The following CD38 variants were observed in gnomAD, a reference collection of about 807,000 sequenced individuals.
The protein encoded by CD38 is ADP-ribosyl cyclase/cyclic ADP-ribose hydrolase 1.
In CD38, 31 loss-of-function variants were observed where a neutral mutation model predicts 36.3. That is an observed-to-expected ratio of 0.85 (90% confidence interval 0.64 to 1.15). The LOEUF (loss-of-function observed/expected upper bound fraction) is 1.15. CD38 is among the 50% of genes most tolerant of loss of function. CD38 has a pLI of 0.00. For synonymous variants in CD38, 131 were observed against 135.2 expected (o/e 0.97, Z 0.22); for missense variants, 380 against 371.9 (o/e 1.02, Z -0.18).
chr4:15,801,132 G>A (rs144191143), intron 1 of CD38, among the ~76,000 whole-genome samples: 5 of 151,884 alleles, frequency 3.3e-5, no homozygotes, highest in South Asian at 4.1e-4. Context: ...ATAAAGGATC[G>A]TAAGAGACTA....
chr4:15,799,794 G>T (rs565873127), intron 1 of CD38, among the ~76,000 whole-genome samples: 1 of 152,268 alleles, frequency 6.6e-6, no homozygotes, highest in East Asian at 1.9e-4. Flanking sequence ...TTAGCCTCAT[G>T]CATCTCAGGG....
chr4:15,819,413 C>T (rs1723684271), intron 2 of CD38, among the ~76,000 whole-genome samples: 1 of 150,172 alleles, frequency 6.7e-6, no homozygotes, highest in Non-Finnish European at 1.5e-5. Context: ...GATGAATTGA[C>T]AGAAGTAGGC....
intron 1 of CD38, among the ~76,000 whole-genome samples, chr4:15,780,298 A>G (rs28494757): frequency 0.094 from 14,302 of 152,126 alleles, 1,024 homozygotes; most frequent in East Asian, 0.19. Context: ...CTTTCCCACA[A>G]TCTCTTGAAT....
chr4:15,785,677 A>T (rs573498174), intron 1 of CD38, among the ~76,000 whole-genome samples: 1 of 152,334 alleles, frequency 6.6e-6, no homozygotes, highest in South Asian at 2.1e-4. Flanking sequence ...CAATGTTTAC[A>T]GGTTGCCTGC....
intron 1 of CD38, among the ~76,000 whole-genome samples, chr4:15,791,302 G>T (rs1391283012): frequency 1.5e-5 from 1 of 68,270 alleles, no homozygotes; most frequent in Non-Finnish European, 2.6e-5. Flanking sequence ...GAGGGGGGAG[G>T]GGGGGTCAGC....
chr4:15,840,579 C>A (rs749930934), intron 7 of CD38, 41 bp downstream of exon 7: 2 of 1,184,870 alleles, frequency 1.7e-6, no homozygotes, highest in Non-Finnish European at 2.5e-6. Context: ...ACTGTCTTGT[C>A]ACCTGTAGAA....
At position 15,816,553 on chromosome 4, in the gene CD38, A is replaced by G; in HGVS notation, c.276A>G (p.Ala92=). 1 of 1,613,586 alleles carries G rather than the reference A, an allele frequency of 6.2e-7. No individual in the cohort carries two copies. The highest frequency in any genetic ancestry group is 8.5e-7 in the Non-Finnish European group (1 of 1,179,502). ...GTGTATGGGATGCTTTCAAGGGTGC[A>G]TTTATTTCAAAACATCCTTGCAACA... The part of the protein sequence containing the change: ...CQSVWDAFKG[A]FISKHPCNIT... Residue 92 remains alanine, a synonymous_variant, in exon 2 of 8, where the codon GCA becomes GCG. Transcript: ENST00000226279.
intron 1 of CD38, among the ~76,000 whole-genome samples, chr4:15,779,353 A>G (rs1328457085): frequency 6.6e-6 from 1 of 152,156 alleles, no homozygotes; most frequent in Non-Finnish European, 1.5e-5. Context: ...GAAAAAAAAC[A>G]CATTAGTCTA....
At chr4:15,792,458 G>GAA (rs1249314137) in intron 1 of CD38, among the ~76,000 whole-genome samples, 52 of 129,226 alleles carry the variant, frequency 4.0e-4, no homozygotes, top group Middle Eastern at 4.2e-3. Context: ...AATGAATCAA[G>GAA]AAAAAAAAAG....
intron 3 of CD38, among the ~76,000 whole-genome samples, chr4:15,826,750 TAAAAAAAGAA>T (rs1723859771): frequency 6.9e-6 from 1 of 144,508 alleles, no homozygotes; most frequent in South Asian, 2.2e-4. Flanking sequence ...TATTTTACAC[TAAAAAAAGAA>T]AAAAAAAGAA....
intron 1 of CD38, among the ~76,000 whole-genome samples, chr4:15,789,712 G>A (rs1411811558): frequency 6.6e-6 from 1 of 151,996 alleles, no homozygotes; most frequent in South Asian, 2.1e-4. Flanking sequence ...GGATCAATGG[G>A]TTATCCTTGG....
At chr4:15,826,577 T>C (rs183071473) in intron 3 of CD38, among the ~76,000 whole-genome samples, 7 of 152,030 alleles carry the variant, frequency 4.6e-5, no homozygotes, top group Admixed American at 4.6e-4. Context: ...TGGTAACATG[T>C]CATTTAAAAG....
chr4:15,819,542 A>G (rs1019968739), intron 2 of CD38, among the ~76,000 whole-genome samples: 1 of 152,186 alleles, frequency 6.6e-6, no homozygotes, highest in East Asian at 1.9e-4. Context: ...ACTGGTTTAG[A>G]GAGGAACATA....
chr4:15,827,336 ATGCAGAAAACCTGTC>A (rs779638052), intron 3 of CD38, among the ~76,000 whole-genome samples: 115 of 152,270 alleles, frequency 7.6e-4, no homozygotes, highest in African/African-American at 2.7e-3. Flanking sequence ...CCACCCAGAA[ATGCAGAAAACCTGTC>A]TGTTCTCTTC....
chr4:15,819,230 G>A (rs758456707), intron 2 of CD38, among the ~76,000 whole-genome samples: 12 of 152,148 alleles, frequency 7.9e-5, no homozygotes, highest in East Asian at 5.8e-4. Context: ...AATACCTAAC[G>A]TAGGTGACGG....
At chr4:15,781,275 G>A (rs574115805) in intron 1 of CD38, among the ~76,000 whole-genome samples, 10 of 152,236 alleles carry the variant, frequency 6.6e-5, no homozygotes, top group African/African-American at 2.4e-4. Context: ...TCTTCTAGTT[G>A]CTAACAATTT....
rs3216860 is a variant in CD38 at position 15,778,862 on chromosome 4, C to CGG, written c.233+223_233+224dup. ...TGGCACCGAGCGTGCCCGCGGGAGG[C>CGG]GGGGGGGGGCGCTGCTCGGTGGCTC... is the stretch of plus-strand genomic sequence containing the variant. On this transcript the variant is annotated intron_variant, in intron 1 of 7. Coordinates refer to ENST00000226279, the MANE Select transcript of CD38 (RefSeq NM_001775.4). The surrounding 1 kb of genome is among the most constrained non-coding windows in gnomAD (Gnocchi z 4.9). Among the ~76,000 whole-genome samples the CGG allele has an allele frequency of 0.027, 3,903 of 146,536 alleles. 78 individuals are homozygous for CGG. The highest frequency in any genetic ancestry group is 0.051 in the South Asian group (229 of 4,522).
At position 15,788,282 on chromosome 4, in the gene CD38, A is replaced by G. The variant is rs189530762; in HGVS notation, c.233+9635A>G. Among the ~76,000 whole-genome samples the G allele has an allele frequency of 1.0e-3, 156 of 152,244 alleles. No individual in the cohort carries two copies. The South Asian group carries it at 0.019, about 18-fold the overall frequency. On this transcript the variant is annotated intron_variant, in intron 1 of 7. Coordinates refer to ENST00000226279, the MANE Select transcript of CD38 (RefSeq NM_001775.4). Reference sequence around the variant, plus strand: ...CTCAGAATCTTCCACCCAGTGCACCATGGAGATGCTACCAATTGGTTGGAG... The same window carrying G: ...CTCAGAATCTTCCACCCAGTGCACCGTGGAGATGCTACCAATTGGTTGGAG...
chr4:15,787,370 C>T (rs1722861301), intron 1 of CD38, among the ~76,000 whole-genome samples: 1 of 152,224 alleles, frequency 6.6e-6, no homozygotes, highest in African/African-American at 2.4e-5. Context: ...AAATGTGGGG[C>T]TCATTTTTCA....
Sources: allele counts gnomAD v4.1 joint callset (sites outside exome capture counted in the v4.1 genomes callset), GRCh38; gene constraint gnomAD v4.1.1; non-coding constraint Gnocchi (gnomAD v3.1); transcripts MANE v1.5; gene names NCBI Gene and HGNC (gene_info 2026-07-23, HGNC 2026-07-21).